ERBB4: variants seen among roughly 807,000 people sequenced by gnomAD.
The protein encoded by ERBB4 is erb-b2 receptor tyrosine kinase 4.
In ERBB4, 42 loss-of-function variants were observed where a neutral mutation model predicts 158.0. The ratio of observed to expected loss-of-function variants is 0.27; its 90% CI spans 0.21 to 0.34. The LOEUF (loss-of-function observed/expected upper bound fraction) is 0.34. ERBB4 is among the 10% of genes least tolerant of loss of function. ERBB4 has a pLI of 1.00. For missense variants in ERBB4, 1,333 were observed against 1,624.1 expected (o/e 0.82, Z 3.08); for synonymous variants, 583 against 558.7 (o/e 1.04, Z -0.61).
chr2:212,021,474 G>C (rs2076647947), intron 2 of ERBB4, among the ~76,000 whole-genome samples: 1 of 152,132 alleles, frequency 6.6e-6, no homozygotes, highest in East Asian at 1.9e-4. Flanking sequence ...ATGGGGAAAG[G>C]ATTCCCTGCT....
intron 1 of ERBB4, among the ~76,000 whole-genome samples, chr2:212,411,680 C>T (rs1000335000): frequency 2.6e-5 from 4 of 152,078 alleles, no homozygotes; most frequent in Admixed American, 2.6e-4. Flanking sequence ...AGTGATTCTT[C>T]TCCCCTAGGT....
chr2:211,515,913 T>TATATATATATATATATATATA (rs71054105), intron 20 of ERBB4, among the ~76,000 whole-genome samples: 17 of 57,342 alleles, frequency 3.0e-4, no homozygotes, highest in Admixed American at 5.4e-4. Context: ...TATATATATA[T>TATATATATATATATATATATA]TTTTTTTTTT....
intron 3 of ERBB4, among the ~76,000 whole-genome samples, chr2:211,907,461 A>T (rs1396940712): frequency 6.6e-6 from 1 of 151,024 alleles, no homozygotes; most frequent in African/African-American, 2.4e-5. Context: ...CCACAGTACT[A>T]GCCAGAATAC....
At chr2:212,155,889 A>G (rs1426705697) in intron 1 of ERBB4, among the ~76,000 whole-genome samples, 1 of 152,180 alleles carries the variant, frequency 6.6e-6, no homozygotes, top group Non-Finnish European at 1.5e-5. Flanking sequence ...AATTAATTAT[A>G]AAAAGAACAC....
intron 1 of ERBB4, 66 bp from the exon 2 acceptor site, chr2:212,124,969 C>T: frequency 6.4e-7 from 1 of 1,565,040 alleles, no homozygotes. Flanking sequence ...ATGATAATAT[C>T]TTTCTCAAAA....
At chr2:212,377,904 A>T (rs1023531907) in intron 1 of ERBB4, among the ~76,000 whole-genome samples, 1 of 151,966 alleles carries the variant, frequency 6.6e-6, no homozygotes, top group Non-Finnish European at 1.5e-5. Flanking sequence ...GTACAGCTGT[A>T]CAAAAATATT....
At chr2:211,636,638 A>G (rs75216508) in intron 16 of ERBB4, among the ~76,000 whole-genome samples, 7,265 of 151,944 alleles carry the variant, frequency 0.048, 243 homozygotes, top group Non-Finnish European at 0.068. Flanking sequence ...GTGAGCAATA[A>G]ATCAAATGTT....
At chr2:211,934,208 G>A (rs940720991) in intron 3 of ERBB4, among the ~76,000 whole-genome samples, 4 of 151,920 alleles carry the variant, frequency 2.6e-5, no homozygotes, top group Admixed American at 2.6e-4. Context: ...ATGTAGTTTA[G>A]GGAGGCAAAA....
At chr2:212,295,425 A>C (rs1164315764) in intron 1 of ERBB4, among the ~76,000 whole-genome samples, 1 of 152,084 alleles carries the variant, frequency 6.6e-6, no homozygotes, top group Non-Finnish European at 1.5e-5. Context: ...ACTTCAACTC[A>C]AAGAATTTTC....
chr2:211,549,413 C>G (rs945005787), intron 20 of ERBB4, among the ~76,000 whole-genome samples: 3 of 151,972 alleles, frequency 2.0e-5, no homozygotes, highest in Non-Finnish European at 4.4e-5. Context: ...GGTAGGGAGA[C>G]CTATGTTCCT....
rs376196340 is a variant in ERBB4, at chr2:212,036,621, C to T, written c.234+88131G>A. Among the ~76,000 whole-genome samples, 5 of 152,072 alleles carry T rather than the reference C, an allele frequency of 3.3e-5. No individual in the cohort carries two copies. In the East Asian group the frequency reaches 5.8e-4, roughly 18 times the overall value. On this transcript the variant is annotated intron_variant, in intron 2 of 27. Transcript: ENST00000342788. ...CTGGGACTACAGGTGCCCGCCACCA[C>T]GCCCAGCTAATTTTTTGTATTTTTA...
intron 15 of ERBB4, among the ~76,000 whole-genome samples, chr2:211,664,634 C>T (rs1008589808): frequency 5.9e-5 from 9 of 152,086 alleles, no homozygotes; most frequent in African/African-American, 2.2e-4. Flanking sequence ...CTTTGTTATT[C>T]AACTGTTATC....
At chr2:211,816,540 C>CAAAAAAAAAAAAAAAAAAAAAAAAAA in intron 3 of ERBB4, among the ~76,000 whole-genome samples, 1 of 65,888 alleles carries the variant, frequency 1.5e-5, no homozygotes, top group Non-Finnish European at 2.9e-5. Flanking sequence ...GAGCCCGTCT[C>CAAAAAAAAAAAAAAAAAAAAAAAAAA]AAAAAAAAAA....
intron 12 of ERBB4, among the ~76,000 whole-genome samples, chr2:211,683,330 C>A (rs1172478802): frequency 6.6e-6 from 1 of 152,088 alleles, no homozygotes; most frequent in East Asian, 1.9e-4. Flanking sequence ...TGTCTCCCAC[C>A]TTCCCTTTAA....
rs893435623 is a variant in ERBB4, at chr2:211,386,964, T to C, written c.3370A>G (p.Ser1124Gly). The C allele has an allele frequency of 1.3e-5, 21 of 1,613,992 alleles. No homozygotes were observed. Among genetic ancestry groups the C allele is most frequent in the Non-Finnish European group, 1.4e-5 (16 of 1,179,976 alleles). ...GGGTCAGCACTGTACCTCTGGGTGC[T>C]ACTGTCCTCTTGGACATGGGGTGCC... is the stretch of plus-strand genomic sequence containing the variant. ...PVAPHVQEDS[S>G]TQRYSADPTV... Residue 1124 changes from serine (S) to glycine (G), a missense_variant, in exon 27 of 28, where the codon AGC becomes GGC. Ser to Gly is a moderately conservative substitution (Grantham distance 56). This residue lies in a region of ERBB4 where 252 missense variants were observed against 241.3 expected (regional missense o/e 1.04). Transcript: ENST00000342788.
chr2:211,680,306 G>A (rs1480149382), intron 12 of ERBB4, among the ~76,000 whole-genome samples: 1 of 152,034 alleles, frequency 6.6e-6, no homozygotes, highest in Non-Finnish European at 1.5e-5. Flanking sequence ...TTTAGTGACG[G>A]GAGATTTGAT....
At chr2:211,791,641 T>C (rs997407186) in intron 3 of ERBB4, among the ~76,000 whole-genome samples, 1 of 151,912 alleles carries the variant, frequency 6.6e-6, no homozygotes, top group Admixed American at 6.6e-5. Context: ...ATTGAATCAA[T>C]TGATAGAAAA....
At chr2:212,180,444 C>T (rs1404661555) in intron 1 of ERBB4, among the ~76,000 whole-genome samples, 4 of 151,614 alleles carry the variant, frequency 2.6e-5, no homozygotes, top group Admixed American at 6.6e-5. Context: ...GAGGCAATAA[C>T]TCCTCTCCCT....
intron 1 of ERBB4, among the ~76,000 whole-genome samples, chr2:212,282,973 G>T (rs1364638873): frequency 6.6e-6 from 1 of 151,588 alleles, no homozygotes. Flanking sequence ...TATATTTTTG[G>T]GTCAGAGACA....
Sources: allele counts gnomAD v4.1 joint callset (sites outside exome capture counted in the v4.1 genomes callset), GRCh38; gene constraint gnomAD v4.1.1; regional missense constraint gnomAD v4.1.1; transcripts MANE v1.5; gene names NCBI Gene and HGNC (gene_info 2026-07-23, HGNC 2026-07-21).